CSNK1G1: variants seen among roughly 807,000 people sequenced by gnomAD.
CSNK1G1 encodes casein kinase I isoform gamma-1.
A neutral mutation model predicts 59.6 loss-of-function variants in CSNK1G1; 22 were observed. That is an observed-to-expected ratio of 0.37 (90% CI 0.26 to 0.53). The LOEUF is 0.53. CSNK1G1 is among the 20% of genes least tolerant of loss of function. The pLI is 0.89. For synonymous variants in CSNK1G1, 179 were observed against 177.1 expected (o/e 1.01, Z -0.08); for missense variants, 384 against 519.5 (o/e 0.74, Z 2.54).
intron 2 of CSNK1G1, among the ~76,000 whole-genome samples, chr15:64,284,257 C>T (rs1894293836): frequency 6.6e-6 from 1 of 152,122 alleles, no homozygotes. Context: ...TATGAGTCAT[C>T]CAACTTTGTT....
At chr15:64,172,080 C>A (rs1232389707) in intron 11 of CSNK1G1, 95 bp from the exon 12 acceptor site, 10 of 1,115,962 alleles carry the variant, frequency 9.0e-6, no homozygotes, top group Non-Finnish European at 1.4e-5. Flanking sequence ...TGGAATTTTC[C>A]CCCTAGCACC....
chr15:64,302,534 A>G (rs1895413099), intron 1 of CSNK1G1, among the ~76,000 whole-genome samples: 2 of 152,328 alleles, frequency 1.3e-5, no homozygotes, highest in Admixed American at 1.3e-4. Context: ...GTCAGCAACT[A>G]CTGAACTTCC....
intron 2 of CSNK1G1, among the ~76,000 whole-genome samples, chr15:64,282,626 A>G (rs1894203198): frequency 1.3e-5 from 2 of 152,200 alleles, no homozygotes; most frequent in South Asian, 4.1e-4. Flanking sequence ...ATGTTATAGT[A>G]GTATGTATCT....
At chr15:64,350,910 C>CT (rs543279376) in intron 1 of CSNK1G1, among the ~76,000 whole-genome samples, 76 of 146,512 alleles carry the variant, frequency 5.2e-4, no homozygotes, top group East Asian at 7.9e-4. Context: ...CATTCTTTTT[C>CT]TTTTTTTTTT....
chr15:64,204,587 CCT>C lies in CSNK1G1; in HGVS notation c.851_852del (p.Glu284GlyfsTer16). On this transcript the variant is annotated frameshift_variant and splice_region_variant, in exon 9 of 12. Coordinates refer to ENST00000303052, the MANE Select transcript of CSNK1G1 (RefSeq NM_022048.5). LOFTEE classifies it high-confidence loss of function. Reference protein sequence around the residue: ...PIEALCENFPEEMATYLRYVR... With the variant: ...PIEALCENFPXEMATYLRYVR... ...ACATATCGAAGGTAGGTTGCCATCT[CCT>C]CTGTTAGGAAAGAGATGAAAGGCCC... 1 of 1,612,574 alleles carries C rather than the reference CCT, an allele frequency of 6.2e-7. No homozygotes were observed. The highest frequency in any genetic ancestry group is 8.5e-7 in the Non-Finnish European group (1 of 1,179,598).
At chr15:64,352,917 C>G (rs1898396952) in intron 1 of CSNK1G1, among the ~76,000 whole-genome samples, 1 of 151,724 alleles carries the variant, frequency 6.6e-6, no homozygotes, top group Non-Finnish European at 1.5e-5. Flanking sequence ...GGCAAAACGC[C>G]TTCTCTACTA....
chr15:64,233,110 C>G (rs1424332102), intron 4 of CSNK1G1, among the ~76,000 whole-genome samples: 1 of 152,098 alleles, frequency 6.6e-6, no homozygotes, highest in Non-Finnish European at 1.5e-5. Flanking sequence ...TAAAAGAAAA[C>G]AAAATCTAAG....
intron 1 of CSNK1G1, among the ~76,000 whole-genome samples, chr15:64,349,070 G>C (rs1898133705): frequency 6.6e-6 from 1 of 150,924 alleles, no homozygotes; most frequent in Non-Finnish European, 1.5e-5. Flanking sequence ...CCGGAATGTG[G>C]AGGTTGCAGT....
intron 1 of CSNK1G1, among the ~76,000 whole-genome samples, chr15:64,306,453 A>G (rs1444783711): frequency 6.6e-6 from 1 of 152,232 alleles, no homozygotes; most frequent in African/African-American, 2.4e-5. Context: ...TACACTTATT[A>G]GAATAGTGAA....
At chr15:64,182,225 G>T (rs1357210446) in intron 10 of CSNK1G1, among the ~76,000 whole-genome samples, 1 of 151,668 alleles carries the variant, frequency 6.6e-6, no homozygotes, top group East Asian at 1.9e-4. Flanking sequence ...CACCACACCT[G>T]GCTGTTTGTT....
At chr15:64,321,174 GTAT>G (rs747399574) in intron 1 of CSNK1G1, among the ~76,000 whole-genome samples, 116 of 151,174 alleles carry the variant, frequency 7.7e-4, no homozygotes, top group Non-Finnish European at 1.4e-3. Context: ...ACAATTTAAT[GTAT>G]TATTTAAGGA....
chr15:64,178,961 G>A (rs958660853), intron 11 of CSNK1G1, among the ~76,000 whole-genome samples: 4 of 150,366 alleles, frequency 2.7e-5, no homozygotes, highest in African/African-American at 4.9e-5. Flanking sequence ...ATGTTGCCCA[G>A]GCTGGTCTCA....
chr15:64,184,835 T>C (rs910928398), intron 10 of CSNK1G1, among the ~76,000 whole-genome samples: 1 of 152,222 alleles, frequency 6.6e-6, no homozygotes, highest in Non-Finnish European at 1.5e-5. Flanking sequence ...AGGACTGTTT[T>C]GACGTTCAGA....
chr15:64,268,341 G>GA (rs1893093375), intron 2 of CSNK1G1, among the ~76,000 whole-genome samples: 1 of 152,156 alleles, frequency 6.6e-6, no homozygotes, highest in African/African-American at 2.4e-5. Flanking sequence ...GAGGAATAAG[G>GA]AAAGGTTTGT....
intron 4 of CSNK1G1, among the ~76,000 whole-genome samples, chr15:64,218,022 G>C (rs972762521): frequency 6.6e-5 from 10 of 151,360 alleles, no homozygotes; most frequent in African/African-American, 2.4e-4. Context: ...ATCTCGGCTC[G>C]CAATCTCTGC....
intron 2 of CSNK1G1, among the ~76,000 whole-genome samples, chr15:64,267,256 C>CAAAAAAAAAAA (rs199581105): frequency 4.9e-5 from 3 of 61,742 alleles, no homozygotes; most frequent in African/African-American, 9.6e-5. Context: ...GACCTTATCT[C>CAAAAAAAAAAA]AAAAAAAAAA....
intron 2 of CSNK1G1, among the ~76,000 whole-genome samples, chr15:64,262,946 G>A (rs1892773608): frequency 6.6e-6 from 1 of 151,784 alleles, no homozygotes; most frequent in Non-Finnish European, 1.5e-5. Context: ...AGGTGTGGTG[G>A]TGCATGCCTG....
At chr15:64,295,382 C>G (rs1406981851) in intron 2 of CSNK1G1, among the ~76,000 whole-genome samples, 1 of 152,184 alleles carries the variant, frequency 6.6e-6, no homozygotes, top group Admixed American at 6.5e-5. Context: ...AAGGTCTCTT[C>G]AAGCTGGCAC....
intron 6 of CSNK1G1, among the ~76,000 whole-genome samples, chr15:64,208,240 G>A (rs75596255): frequency 0.013 from 1,981 of 152,272 alleles, 25 homozygotes; most frequent in Non-Finnish European, 0.02. Context: ...ACACACATCT[G>A]TAGTGCCAGC....
Sources: gnomAD v4.1 joint callset for allele counts (sites outside exome capture counted in the v4.1 genomes callset) on GRCh38, gnomAD v4.1.1 for gene constraint, MANE v1.5 for transcripts, NCBI Gene and HGNC (gene_info 2026-07-23, HGNC 2026-07-21) for gene names.